Variants in NCOA3 observed in about 807,000 individuals in gnomAD.
The protein encoded by NCOA3 is nuclear receptor coactivator 3.
NCOA3 carries 51 observed loss-of-function variants against 158.8 expected under a neutral mutation model. That is an observed-to-expected ratio of 0.32 (90% CI 0.26 to 0.41). NCOA3 has a LOEUF of 0.41. Among genes scored for constraint, NCOA3 ranks in the 10% least tolerant of loss-of-function variants. NCOA3 has a pLI of 1.00. For synonymous variants in NCOA3, 537 were observed against 592.4 expected, an observed-to-expected ratio of 0.91 and a Z score of 1.36; for missense variants, 1,510 against 1,746.6, an observed-to-expected ratio of 0.86 and a Z score of 2.41.
intron 1 of NCOA3, among the ~76,000 whole-genome samples, chr20:47,569,777 G>A (rs931634544): frequency 2.0e-5 from 3 of 152,144 alleles, no homozygotes; most frequent in Admixed American, 6.6e-5. Flanking sequence ...TTGGGAGGCC[G>A]AGGAGGGCGG....
intron 1 of NCOA3, among the ~76,000 whole-genome samples, chr20:47,556,583 T>C (rs2085011279): frequency 2.0e-5 from 3 of 152,128 alleles, no homozygotes; most frequent in African/African-American, 2.4e-5. Context: ...AGTACAGTGG[T>C]GTGATCTCAG....
chr20:47,626,779 T>C (rs1243639272), intron 5 of NCOA3, among the ~76,000 whole-genome samples: 2 of 152,174 alleles, frequency 1.3e-5, no homozygotes, highest in Non-Finnish European at 2.9e-5. Flanking sequence ...CATGGCCTTT[T>C]TCTCTGCGTG....
intron 8 of NCOA3, chr20:47,630,406 A>G (rs2086393717): frequency 6.7e-6 from 1 of 149,770 alleles, no homozygotes; most frequent in South Asian, 2.1e-4. Context: ...GGTTTTCTTC[A>G]GTATGTTTTC....
In NCOA3 at chr20:47,572,461, G is replaced by A. The variant is rs1043783763; in HGVS notation, c.-98-10722G>A. On this transcript the variant is annotated intron_variant, in intron 1 of 22. Coordinates refer to ENST00000371998, the MANE Select transcript of NCOA3 (RefSeq NM_181659.3). Reference sequence around the variant, plus strand: ...TTCGCATTCACAACTTGGCTGTTTGGTGCAAGAGTCCTAGCTTTCAGCCTC... The same window carrying A: ...TTCGCATTCACAACTTGGCTGTTTGATGCAAGAGTCCTAGCTTTCAGCCTC... 9.2e-5 allele frequency among the ~76,000 whole-genome samples: 14 copies of A among 151,946 alleles called. No individual in the cohort carries two copies. In the South Asian group the frequency reaches 2.5e-3, roughly 27 times the overall value.
At chr20:47,590,012 G>A (rs936997175) in intron 2 of NCOA3, among the ~76,000 whole-genome samples, 3 of 147,824 alleles carry the variant, frequency 2.0e-5, no homozygotes, top group Non-Finnish European at 4.6e-5. Flanking sequence ...TATTGCCTAG[G>A]CTAGTCTTGA....
chr20:47,624,466 A>ATT (rs2086290720), intron 4 of NCOA3, among the ~76,000 whole-genome samples: 1 of 152,184 alleles, frequency 6.6e-6, no homozygotes, highest in Non-Finnish European at 1.5e-5. Flanking sequence ...TGAGAATCTA[A>ATT]TGCTACTTCT....
Position 47,511,548 on chromosome 20 carries a change from T to TAC in NCOA3, c.-99+9530_-99+9531insCA, listed in dbSNP as rs1362002302. Among the ~76,000 whole-genome samples the TAC allele has an allele frequency of 0.013, 272 of 20,314 alleles. 41 individuals carry two copies. In the East Asian group the frequency reaches 0.26, roughly 20 times the overall value. The allele number at this position is 20,314 out of a possible 152,430, so 13.3% of individuals were successfully genotyped here. On this transcript the variant is annotated intron_variant, in intron 1 of 22. Coordinates refer to ENST00000371998, the MANE Select transcript of NCOA3 (RefSeq NM_181659.3). ...AGATATATATATATATATATATATATATATATATTTCTTTTTTTTTTTGAG... is the reference window on the plus strand; with the variant it reads ...AGATATATATATATATATATATATATACATATATATTTCTTTTTTTTTTTGAG...
chr20:47,555,864 G>A (rs1246207981), intron 1 of NCOA3, among the ~76,000 whole-genome samples: 5 of 149,870 alleles, frequency 3.3e-5, no homozygotes, highest in African/African-American at 7.4e-5. Flanking sequence ...GGATGGTCTC[G>A]ATCTCCTGAC....
chr20:47,505,595 A>G (rs1370972010), intron 1 of NCOA3, among the ~76,000 whole-genome samples: 1 of 152,130 alleles, frequency 6.6e-6, no homozygotes, highest in Admixed American at 6.6e-5. Flanking sequence ...AGTTTGGTTC[A>G]TATCCTTGGT....
At chr20:47,589,907 C>T (rs1328315916) in intron 2 of NCOA3, among the ~76,000 whole-genome samples, 1 of 141,128 alleles carries the variant, frequency 7.1e-6, no homozygotes, top group Non-Finnish European at 1.6e-5. Context: ...ACATTGACTT[C>T]TTGTATAATG....
At chr20:47,555,053 G>A (rs1027499852) in intron 1 of NCOA3, among the ~76,000 whole-genome samples, 1 of 152,098 alleles carries the variant, frequency 6.6e-6, no homozygotes, top group African/African-American at 2.4e-5. Flanking sequence ...AAATAATGCT[G>A]CATATCTACA....
At chr20:47,603,487 T>C (rs570749131) in intron 2 of NCOA3, among the ~76,000 whole-genome samples, 1 of 152,242 alleles carries the variant, frequency 6.6e-6, no homozygotes, top group Non-Finnish European at 1.5e-5. Context: ...CAGTATGCTC[T>C]TTTTGCTTTG....
chr20:47,535,632 C>T (rs562338166), intron 1 of NCOA3, among the ~76,000 whole-genome samples: 9 of 152,008 alleles, frequency 5.9e-5, no homozygotes, highest in Admixed American at 5.9e-4. Flanking sequence ...CTCAGCCTCC[C>T]GAGTAGCTGG....
intron 1 of NCOA3, among the ~76,000 whole-genome samples, chr20:47,509,121 G>A (rs1444916016): frequency 6.6e-6 from 1 of 152,148 alleles, no homozygotes; most frequent in African/African-American, 2.4e-5. Context: ...TTTAGAGGCT[G>A]GGTCCCATGG....
chr20:47,627,801 T>C, intron 7 of NCOA3, 52 bp downstream of exon 7: 3 of 1,592,194 alleles, frequency 1.9e-6, no homozygotes, highest in Non-Finnish European at 1.7e-6. Flanking sequence ...GTGGCCATAC[T>C]TGGAGTTTTG....
chr20:47,582,557 G>T (rs898303993), intron 1 of NCOA3, among the ~76,000 whole-genome samples: 1 of 151,092 alleles, frequency 6.6e-6, no homozygotes, highest in African/African-American at 2.4e-5. Flanking sequence ...TGTGGAGATG[G>T]TGTCTTGCTA....
At position 47,647,231 on chromosome 20, in the gene NCOA3, T is replaced by C. The variant is rs1420569804; in HGVS notation, c.3411T>C (p.Ser1137=). ...AGGGACAATCACCATCTTTTAACTC[T>C]ATGATGAATCAGATGAACCAGCAAG... ...HLQGQSPSFN[S]MMNQMNQQGN... The change falls in exon 18 of 23, where the codon TCT becomes TCC. Residue 1137 remains serine, a synonymous_variant. Transcript: ENST00000371998. 3.7e-6 allele frequency: 6 copies of C among 1,614,004 alleles called. No homozygotes were observed. Among genetic ancestry groups the C allele is most frequent in the Non-Finnish European group, 5.1e-6 (6 of 1,180,000 alleles).
intron 4 of NCOA3, 106 bp downstream of exon 4, chr20:47,624,189 GA>G (rs1185686667): frequency 2.2e-5 from 20 of 907,464 alleles, no homozygotes; most frequent in Non-Finnish European, 3.2e-5. Context: ...TGGTAGAGGG[GA>G]TGGTTTCAGG....
At chr20:47,545,037 T>A (rs945760392) in intron 1 of NCOA3, among the ~76,000 whole-genome samples, 1 of 152,126 alleles carries the variant, frequency 6.6e-6, no homozygotes, top group African/African-American at 2.4e-5. Context: ...AAAATTCTGT[T>A]CCACAGTATC....
Sources: gnomAD v4.1 joint callset for allele counts (sites outside exome capture counted in the v4.1 genomes callset) on GRCh38, gnomAD v4.1.1 for gene constraint, MANE v1.5 for transcripts, NCBI Gene and HGNC (gene_info 2026-07-23, HGNC 2026-07-21) for gene names.